Variants in CDH7 observed in about 807,000 individuals in gnomAD.
CDH7 encodes cadherin-7.
Under a neutral mutation model 71.8 loss-of-function variants are expected in CDH7, and 25 were observed. The ratio of observed to expected loss-of-function variants is 0.35; its 90% confidence interval spans 0.25 to 0.49. The LOEUF is 0.49. Ranked by LOEUF, CDH7 falls within the 20% of genes least tolerant of loss-of-function variation. The pLI, the probability that CDH7 is intolerant of heterozygous loss-of-function variation, is 0.99. For synonymous variants in CDH7, 381 were observed against 363.8 expected, an observed-to-expected ratio of 1.05 and a Z score of -0.54; for missense variants, 862 against 974.6, an observed-to-expected ratio of 0.88 and a Z score of 1.54.
At chr18:65,771,431 G>C (rs113368186) in intron 2 of CDH7, among the ~76,000 whole-genome samples, 1 of 148,104 alleles carries the variant, frequency 6.8e-6, no homozygotes, top group Non-Finnish European at 1.5e-5. Flanking sequence ...CTTGAAATCA[G>C]GAGTTTGAGA....
chr18:65,802,984 A>T (rs375225937), intron 2 of CDH7: 1 of 152,340 alleles, frequency 6.6e-6, no homozygotes, highest in East Asian at 1.9e-4. Context: ...AGGAATGCAG[A>T]TAATTATATT....
At chr18:65,852,025 G>A (rs1913166714) in intron 7 of CDH7, among the ~76,000 whole-genome samples, 1 of 152,304 alleles carries the variant, frequency 6.6e-6, no homozygotes, top group South Asian at 2.1e-4. Flanking sequence ...TAATTGGAAA[G>A]GAGGAAAAAC....
chr18:65,810,107 G>A (rs905782134), intron 3 of CDH7, 109 bp downstream of exon 3: 141 of 906,544 alleles, frequency 1.6e-4, no homozygotes, highest in Non-Finnish European at 1.5e-4. Context: ...TTACTAGTAT[G>A]TGTGTATTGA....
At chr18:65,772,495 G>A (rs1184149719) in intron 2 of CDH7, among the ~76,000 whole-genome samples, 10 of 152,126 alleles carry the variant, frequency 6.6e-5, no homozygotes, top group African/African-American at 2.4e-4. Context: ...AGCAGATACT[G>A]GGGAGTTCTA....
intron 2 of CDH7, among the ~76,000 whole-genome samples, chr18:65,798,880 G>A (rs553326978): frequency 9.2e-5 from 14 of 152,256 alleles, no homozygotes; most frequent in Middle Eastern, 3.4e-3. Flanking sequence ...GGTGAGGCAC[G>A]CAGGGGATCT....
chr18:65,816,893 C>T (rs1911743124), intron 4 of CDH7, among the ~76,000 whole-genome samples: 1 of 152,100 alleles, frequency 6.6e-6, no homozygotes, highest in South Asian at 2.1e-4. Flanking sequence ...TACATTTATT[C>T]CATTAAACAT....
chr18:65,810,126 T>C (rs1325576850), intron 3 of CDH7, 128 bp downstream of exon 3: 1 of 737,384 alleles, frequency 1.4e-6, no homozygotes, highest in Admixed American at 2.6e-5. Flanking sequence ...GATTGTCAGT[T>C]AGGGTGAGGG....
At position 65,886,250 on chromosome 18, in the gene CDH7, T is replaced by C. The variant is rs1036991488; in HGVS notation, c.*5356T>C. On this transcript the variant is annotated 3_prime_UTR_variant, in exon 12 of 12. Coordinates refer to ENST00000397968, the MANE Select transcript of CDH7 (RefSeq NM_004361.5). ...GATAAAGCTTTATTATGGGAAATAA[T>C]GGGAATTATATAAAAAGGTTGATAA... The C allele has an allele frequency of 6.6e-6, 1 of 152,186 alleles. No individual in the cohort carries two copies. Among genetic ancestry groups the C allele is most frequent in the Non-Finnish European group, 1.5e-5 (1 of 68,030 alleles). The allele number at this position is 152,186 out of a possible 1,614,324, so 9.4% of individuals were successfully genotyped here.
chr18:65,862,113 GC>G (rs1913586048), intron 10 of CDH7, among the ~76,000 whole-genome samples: 1 of 151,914 alleles, frequency 6.6e-6, no homozygotes, highest in Non-Finnish European at 1.5e-5. Context: ...ACATAGAGTA[GC>G]TATAAATACC....
rs1390495294 is a variant in CDH7, at chr18:65,883,294, G to A, written c.*2400G>A. Reference sequence around the variant, plus strand: ...TGGAAGAATGTTCCTAATATAGGTAGTATTTATATGAAGTATTCTAAGCTT... The same window carrying A: ...TGGAAGAATGTTCCTAATATAGGTAATATTTATATGAAGTATTCTAAGCTT... On this transcript the variant is annotated 3_prime_UTR_variant, in exon 12 of 12. Coordinates refer to ENST00000397968, the MANE Select transcript of CDH7 (RefSeq NM_004361.5). 1 of 151,800 alleles carries A rather than the reference G, an allele frequency of 6.6e-6. No homozygotes were observed. The highest frequency in any genetic ancestry group is 2.4e-5 in the African/African-American group (1 of 41,358). The allele number at this position is 151,800 out of a possible 1,614,324, so 9.4% of individuals were successfully genotyped here.
chr18:65,826,960 G>A (rs1912155692), intron 6 of CDH7, among the ~76,000 whole-genome samples: 2 of 151,496 alleles, frequency 1.3e-5, no homozygotes, highest in Non-Finnish European at 3.0e-5. Flanking sequence ...GATTAAAAAT[G>A]ATTCCAAATT....
chr18:65,873,372 GT>G (rs1177020944), intron 11 of CDH7, among the ~76,000 whole-genome samples: 1 of 152,112 alleles, frequency 6.6e-6, no homozygotes, highest in African/African-American at 2.4e-5. Context: ...CCAAAATAAA[GT>G]TATTGTGAAC....
chr18:65,823,873 T>C (rs937474859), intron 5 of CDH7, among the ~76,000 whole-genome samples: 1 of 151,796 alleles, frequency 6.6e-6, no homozygotes, highest in Non-Finnish European at 1.5e-5. Context: ...GAAAAAATAA[T>C]GAAGGAATAT....
intron 11 of CDH7, 143 bp downstream of exon 11, chr18:65,863,060 C>G: frequency 2.2e-6 from 2 of 902,244 alleles, no homozygotes; most frequent in Non-Finnish European, 3.3e-6. Flanking sequence ...TTCTTTGAGA[C>G]GGGGTCTCAC....
intron 2 of CDH7, among the ~76,000 whole-genome samples, chr18:65,772,965 G>A (rs982565007): frequency 2.6e-5 from 4 of 152,092 alleles, no homozygotes; most frequent in Non-Finnish European, 4.4e-5. Context: ...ATTTTTCTCA[G>A]TGCTGCTCTC....
At chr18:65,878,102 A>G (rs1914122754) in intron 11 of CDH7, among the ~76,000 whole-genome samples, 1 of 152,178 alleles carries the variant, frequency 6.6e-6, no homozygotes, top group African/African-American at 2.4e-5. Flanking sequence ...CCTACCCCAG[A>G]GAATTGTTGT....
chr18:65,816,321 G>GA (rs1911724276), intron 4 of CDH7, among the ~76,000 whole-genome samples: 1 of 151,924 alleles, frequency 6.6e-6, no homozygotes, highest in African/African-American at 2.4e-5. Flanking sequence ...TTTCTTGTGA[G>GA]AAAAAATAAA....
intron 6 of CDH7, among the ~76,000 whole-genome samples, chr18:65,841,671 C>A (rs1912738048): frequency 6.6e-6 from 1 of 152,014 alleles, no homozygotes; most frequent in Non-Finnish European, 1.5e-5. Flanking sequence ...TAGATAGGCC[C>A]AAGAAAATTT....
chr18:65,824,665 C>G lies in CDH7; in HGVS notation c.815C>G (p.Pro272Arg), dbSNP rs749741292. 1 of 1,601,314 alleles carries G rather than the reference C, an allele frequency of 6.2e-7. No individual in the cohort carries two copies. Among genetic ancestry groups the G allele is most frequent in the Non-Finnish European group, 8.5e-7 (1 of 1,172,402 alleles). ...ACAGGGTCTTATCAATATAACGTCC[C>G]AGAGTCATTACCTGTAGCCTCAGTT... Reference protein sequence around the residue: ...FPRRSYQYNVPESLPVASVVA... With the variant: ...FPRRSYQYNVRESLPVASVVA... The change falls in exon 6 of 12, where the codon CCA (proline) becomes CGA (arginine). Residue 272 changes from proline (P) to arginine (R), a missense_variant. Pro to Arg is a moderately radical substitution (Grantham distance 103, BLOSUM62 -2). Coordinates refer to ENST00000397968, the MANE Select transcript of CDH7 (RefSeq NM_004361.5).
Sources: gnomAD v4.1 joint callset for allele counts (sites outside exome capture counted in the v4.1 genomes callset) on GRCh38, gnomAD v4.1.1 for gene constraint, MANE v1.5 for transcripts, NCBI Gene and HGNC (gene_info 2026-07-23, HGNC 2026-07-21) for gene names.